HYDIN: variants seen among roughly 807,000 people sequenced by gnomAD.
HYDIN encodes the protein HYDIN axonemal central pair apparatus protein.
A neutral mutation model predicts 403.9 loss-of-function variants in HYDIN; 132 were observed. The ratio of observed to expected loss-of-function variants is 0.33; its 90% CI spans 0.28 to 0.38. HYDIN has a LOEUF of 0.38. Ranked by LOEUF, HYDIN falls within the 10% of genes least tolerant of loss-of-function variation. The pLI is 1.00. For synonymous variants in HYDIN, 1,202 were observed against 1,891.7 expected (o/e 0.64, Z 9.46); for missense variants, 2,827 against 5,009.5 (o/e 0.56, Z 13.15).
intron 1 of HYDIN, chr16:71,203,748 T>C (rs999557168): frequency 2.2e-5 from 10 of 455,932 alleles, no homozygotes; most frequent in Non-Finnish European, 2.2e-5. Flanking sequence ...GAGGCTCATA[T>C]GGGTCCAAAG....
chr16:70,954,615 G>A (rs185736837), intron 40 of HYDIN, among the ~76,000 whole-genome samples: 40 of 152,224 alleles, frequency 2.6e-4, no homozygotes, highest in Admixed American at 1.8e-3. Context: ...GAAGCTGGGC[G>A]TGGCCATCTT....
intron 1 of HYDIN, among the ~76,000 whole-genome samples, chr16:71,190,288 A>G (rs1340030794): frequency 6.6e-6 from 1 of 152,050 alleles, no homozygotes; most frequent in East Asian, 1.9e-4. Context: ...CAGGGTTGTC[A>G]GGGATCCAGA....
rs1282017795 is a variant in HYDIN at position 71,088,492 on chromosome 16, A to C, written c.1479T>G (p.Ala493=). 2.9e-6 allele frequency: 2 copies of C among 692,498 alleles called. No homozygotes were observed. The highest frequency in any genetic ancestry group is 1.9e-5 in the South Asian group (1 of 53,262). The allele number at this position is 692,498 out of a possible 1,614,324, so 42.9% of individuals were successfully genotyped here. A position where few individuals can be genotyped will look rare whatever the true frequency, so the allele number is the denominator to read the frequency against. Residue 493 remains alanine (A), a synonymous_variant, in exon 12 of 86, where the codon GCT becomes GCG. Transcript: ENST00000393567. ...AILYNKGSID[A]LFNMTPPTSA... The stretch of plus-strand genomic sequence containing the variant: ...AAGTTGGAGGGGTCATGTTGAAGAG[A>C]GCATCGATGCTGCCTTTGTTGTACA...
At chr16:70,955,299 G>C in intron 40 of HYDIN, 76 bp downstream of exon 40, 2 of 914,652 alleles carry the variant, frequency 2.2e-6, no homozygotes, top group Non-Finnish European at 3.3e-6. Context: ...AGCTCAGTGG[G>C]GCACAGAGAA....
chr16:70,862,022 G>T, intron 69 of HYDIN, 26 bp downstream of exon 69: 1 of 1,536,948 alleles, frequency 6.5e-7, no homozygotes, highest in Non-Finnish European at 8.8e-7. Context: ...GCCAAGAAGG[G>T]TGTTGTGGCG....
At chr16:71,169,121 G>C (rs1267375053) in intron 5 of HYDIN, among the ~76,000 whole-genome samples, 1 of 152,118 alleles carries the variant, frequency 6.6e-6, no homozygotes, top group East Asian at 1.9e-4. Flanking sequence ...TCCATCAATG[G>C]ATGAACATAC....
intron 46 of HYDIN, among the ~76,000 whole-genome samples, chr16:70,919,332 C>T (rs1335839366): frequency 6.6e-6 from 1 of 152,078 alleles, no homozygotes; most frequent in East Asian, 1.9e-4. Context: ...AAAAACATTT[C>T]CAGGGAAAAA....
At chr16:70,974,396 C>T in intron 32 of HYDIN, 96 bp from the exon 33 acceptor site, 5 of 1,519,574 alleles carry the variant, frequency 3.3e-6, no homozygotes, top group Non-Finnish European at 4.4e-6. Flanking sequence ...AATGACTGCT[C>T]AGAGGATCAC....
intron 1 of HYDIN, among the ~76,000 whole-genome samples, chr16:71,192,227 A>ACAAAT (rs1298561748): frequency 6.6e-6 from 1 of 152,006 alleles, no homozygotes; most frequent in African/African-American, 2.4e-5. Flanking sequence ...TTAGTATCTC[A>ACAAAT]CAAATTCACC....
chr16:71,151,139 T>G (rs1396341467), intron 7 of HYDIN, among the ~76,000 whole-genome samples: 1 of 152,198 alleles, frequency 6.6e-6, no homozygotes, highest in Non-Finnish European at 1.5e-5. Context: ...CCCCAATGTG[T>G]TATGAGCTGT....
intron 10 of HYDIN, among the ~76,000 whole-genome samples, chr16:71,106,653 G>A (rs1031340376): frequency 2.6e-5 from 4 of 152,066 alleles, no homozygotes; most frequent in African/African-American, 9.7e-5. Flanking sequence ...AGCCTTCCCT[G>A]TTTTTTCCTG....
chr16:70,888,539 G>T (rs1198940227), intron 58 of HYDIN, among the ~76,000 whole-genome samples: 1 of 151,620 alleles, frequency 6.6e-6, no homozygotes. Flanking sequence ...CTGTTCTGTT[G>T]ATGCCATGGG....
Position 71,005,128 on chromosome 16 carries a change from T to C in HYDIN, c.3645-12918A>G, listed in dbSNP as rs182357786. ...CTAGTATACAGTAATTTTTCATAAC[T>C]GTAGCATGGGACCAGAAGATTTTTT... On this transcript the variant is annotated intron_variant, in intron 23 of 85. Transcript: ENST00000393567. 2.1e-3 allele frequency among the ~76,000 whole-genome samples: 324 copies of C among 152,362 alleles called. 2 individuals carry two copies. The highest frequency in any genetic ancestry group is 7.3e-3 in the African/African-American group (303 of 41,594).
chr16:70,883,035 G>C, intron 59 of HYDIN, 140 bp from the exon 60 acceptor site: 2 of 661,132 alleles, frequency 3.0e-6, no homozygotes, highest in Non-Finnish European at 5.5e-6. Flanking sequence ...GGGTGTGAGG[G>C]ATGGGAAACA....
In HYDIN at chr16:70,802,567, T is replaced by G. The variant is rs2034928485; in HGVS notation, c.*5013A>C. On this transcript the variant is annotated 3_prime_UTR_variant, in exon 86 of 86. Transcript: ENST00000393567. Reference sequence around the variant, plus strand: ...TCCTTGGAAGCAGATCTTTCCCTAGTTGAGCCTCCTGATGAGGATGCAGCT... The same window carrying G: ...TCCTTGGAAGCAGATCTTTCCCTAGGTGAGCCTCCTGATGAGGATGCAGCT... 6.6e-6 allele frequency: 1 copy of G among 152,222 alleles called. No individual in the cohort carries two copies. Among genetic ancestry groups the G allele is most frequent in the Admixed American group, 6.5e-5 (1 of 15,278 alleles). 9.4% of individuals were successfully genotyped at this position (152,222 alleles called of 1,614,324 possible).
intron 23 of HYDIN, among the ~76,000 whole-genome samples, chr16:70,993,220 T>A (rs2079417584): frequency 6.6e-6 from 1 of 152,186 alleles, no homozygotes; most frequent in African/African-American, 2.4e-5. Context: ...ATTTCAGGGA[T>A]CCTAGAGTAT....
chr16:70,807,498 A>C lies in HYDIN; in HGVS notation c.*82T>G. On this transcript the variant is annotated 3_prime_UTR_variant, in exon 86 of 86. Coordinates refer to ENST00000393567, the MANE Select transcript of HYDIN (RefSeq NM_001270974.2). ...TGAGAAGAATAAAAACAGTTCCTTT[A>C]GAATTCTTATTGTTTTCTCTATTCT... 3 of 1,435,514 alleles carry C rather than the reference A, an allele frequency of 2.1e-6. No homozygotes were observed. Among genetic ancestry groups the C allele is most frequent in the Non-Finnish European group, 2.8e-6 (3 of 1,061,842 alleles). 88.9% of individuals were successfully genotyped at this position (1,435,514 alleles called of 1,614,324 possible). A position where few individuals can be genotyped will look rare whatever the true frequency, so the allele number is the denominator to read the frequency against.
chr16:70,926,065 G>A (rs910555687), intron 45 of HYDIN, among the ~76,000 whole-genome samples: 267 of 150,678 alleles, frequency 1.8e-3, no homozygotes, highest in Middle Eastern at 3.4e-3. Context: ...ATTCCTCAGG[G>A]ATCTAGAACT....
Position 71,230,668 on chromosome 16 carries a change from A to C in HYDIN, c.-130T>G. The C allele has an allele frequency of 6.5e-7, 1 of 1,536,056 alleles. No homozygotes were observed. Among genetic ancestry groups the C allele is most frequent in the East Asian group, 2.4e-5 (1 of 40,904 alleles). On this transcript the variant is annotated 5_prime_UTR_variant, in exon 1 of 86. Coordinates refer to ENST00000393567, the MANE Select transcript of HYDIN (RefSeq NM_001270974.2). Reference sequence around the variant, plus strand: ...GCTGAGGGGCTCCATACCCAGCTTGAAGCCGCCCGCACTCTCCATGCGCCG... The same window carrying C: ...GCTGAGGGGCTCCATACCCAGCTTGCAGCCGCCCGCACTCTCCATGCGCCG...
Sources: gnomAD v4.1 joint callset for allele counts (sites outside exome capture counted in the v4.1 genomes callset) on GRCh38, gnomAD v4.1.1 for gene constraint, MANE v1.5 for transcripts, NCBI Gene and HGNC (gene_info 2026-07-23, HGNC 2026-07-21) for gene names.